The following ENTHD1 variants were observed in gnomAD, a reference collection of about 807,000 sequenced individuals.
ENTHD1 encodes the protein ENTH domain-containing protein 1.
ENTHD1 carries 23 observed loss-of-function variants against 39.1 expected under a neutral mutation model. The ratio of observed to expected loss-of-function variants is 0.59; its 90% CI spans 0.42 to 0.83. The LOEUF is 0.83. Among genes scored for constraint, ENTHD1 ranks in the 40% least tolerant of loss-of-function variants. The pLI is 0.00. For missense variants in ENTHD1, 624 were observed against 705.4 expected (o/e 0.88, Z 1.31); for synonymous variants, 230 against 258.2 (o/e 0.89, Z 1.05).
chr22:39,879,378 G>T lies in ENTHD1; in HGVS notation c.349+8022C>A, dbSNP rs539110711. On this transcript the variant is annotated intron_variant, in intron 2 of 6. Transcript: ENST00000325157. ...CTTGGGAGGCTGAGGCAGGAGAATGGTGGGAACCCAGGAGGCAGAGCTTGC... is the reference window on the plus strand; with the variant it reads ...CTTGGGAGGCTGAGGCAGGAGAATGTTGGGAACCCAGGAGGCAGAGCTTGC... Among the ~76,000 whole-genome samples the T allele has an allele frequency of 3.5e-3, 521 of 149,306 alleles. 3 individuals are homozygous for T. Among genetic ancestry groups the T allele is most frequent in the African/African-American group, 0.012 (501 of 40,540 alleles).
intron 5 of ENTHD1, among the ~76,000 whole-genome samples, chr22:39,797,263 T>A (rs987361640): frequency 6.6e-6 from 1 of 152,264 alleles, no homozygotes; most frequent in African/African-American, 2.4e-5. Context: ...AAAGTGAGTT[T>A]ATCGTAGGCA....
intron 6 of ENTHD1, among the ~76,000 whole-genome samples, chr22:39,747,770 C>T (rs540318779): frequency 1.3e-5 from 2 of 151,946 alleles, no homozygotes; most frequent in Non-Finnish European, 2.9e-5. Flanking sequence ...GTAGAACTTA[C>T]AGAAAACAGA....
chr22:39,849,811 A>G (rs1166358535), intron 3 of ENTHD1, among the ~76,000 whole-genome samples: 3 of 152,142 alleles, frequency 2.0e-5, no homozygotes, highest in African/African-American at 7.2e-5. Flanking sequence ...TCTATATGAA[A>G]ATCCTATCGT....
intron 4 of ENTHD1, among the ~76,000 whole-genome samples, chr22:39,832,217 G>A (rs1021567469): frequency 6.6e-6 from 1 of 152,076 alleles, no homozygotes; most frequent in African/African-American, 2.4e-5. Context: ...AGGCTGAGGT[G>A]GGAAGATCGC....
At chr22:39,843,916 G>A (rs536014640) in intron 3 of ENTHD1, among the ~76,000 whole-genome samples, 1 of 152,272 alleles carries the variant, frequency 6.6e-6, no homozygotes, top group Admixed American at 6.5e-5. Flanking sequence ...CTTGAAGCAA[G>A]GATCTGGGAG....
At chr22:39,840,733 C>T (rs959749067) in intron 3 of ENTHD1, among the ~76,000 whole-genome samples, 16 of 151,472 alleles carry the variant, frequency 1.1e-4, no homozygotes, top group African/African-American at 3.9e-4. Flanking sequence ...ACTCCAATTT[C>T]GTTGTTTTGG....
intron 5 of ENTHD1, among the ~76,000 whole-genome samples, chr22:39,798,225 A>G (rs531078944): frequency 1.3e-5 from 2 of 151,750 alleles, no homozygotes; most frequent in African/African-American, 4.8e-5. Flanking sequence ...GTTCTAGTCT[A>G]TTGTTGAAGC....
intron 5 of ENTHD1, among the ~76,000 whole-genome samples, chr22:39,773,851 T>G (rs375397914): frequency 1.3e-5 from 2 of 152,112 alleles, no homozygotes; most frequent in African/African-American, 2.4e-5. Context: ...GTGTAAGAGA[T>G]TCAAACAAAT....
intron 4 of ENTHD1, among the ~76,000 whole-genome samples, chr22:39,825,895 A>G (rs922315696): frequency 1.3e-5 from 2 of 152,126 alleles, no homozygotes; most frequent in Non-Finnish European, 1.5e-5. Context: ...TTTTTGAGAC[A>G]GAGTCTCACT....
chr22:39,814,492 A>G (rs1197549059), intron 5 of ENTHD1, among the ~76,000 whole-genome samples: 1 of 152,148 alleles, frequency 6.6e-6, no homozygotes, highest in Non-Finnish European at 1.5e-5. Flanking sequence ...AACATTCCTG[A>G]TGAAAGAAAA....
chr22:39,798,063 A>G (rs1430791027), intron 5 of ENTHD1, among the ~76,000 whole-genome samples: 1 of 152,118 alleles, frequency 6.6e-6, no homozygotes, highest in Non-Finnish European at 1.5e-5. Flanking sequence ...AACATCCCAG[A>G]TGTGTATATT....
At chr22:39,824,674 C>G (rs2065813078) in intron 4 of ENTHD1, among the ~76,000 whole-genome samples, 1 of 152,156 alleles carries the variant, frequency 6.6e-6, no homozygotes, top group African/African-American at 2.4e-5. Flanking sequence ...AAAGGCTAAT[C>G]CTCCTACATT....
intron 3 of ENTHD1, among the ~76,000 whole-genome samples, chr22:39,846,053 C>T (rs2065985520): frequency 6.6e-6 from 1 of 151,972 alleles, no homozygotes; most frequent in Admixed American, 6.6e-5. Flanking sequence ...ACAAAGGTAC[C>T]AAGAATACAC....
At chr22:39,872,604 G>C (rs1434733134) in intron 2 of ENTHD1, among the ~76,000 whole-genome samples, 2 of 152,062 alleles carry the variant, frequency 1.3e-5, no homozygotes, top group African/African-American at 4.8e-5. Context: ...TAGCTTAAAG[G>C]CTTAGTTCTT....
chr22:39,808,184 G>A (rs532000199), intron 5 of ENTHD1, among the ~76,000 whole-genome samples: 9 of 151,330 alleles, frequency 5.9e-5, no homozygotes, highest in African/African-American at 2.2e-4. Context: ...GTTGGCTACT[G>A]CTACTATCAT....
At chr22:39,780,277 C>T (rs1751555280) in intron 5 of ENTHD1, among the ~76,000 whole-genome samples, 1 of 151,318 alleles carries the variant, frequency 6.6e-6, no homozygotes, top group Non-Finnish European at 1.5e-5. Context: ...CCCAGGAGGC[C>T]GAGCCAGGAG....
intron 5 of ENTHD1, among the ~76,000 whole-genome samples, chr22:39,815,456 AC>A (rs1261797181): frequency 6.6e-6 from 1 of 152,096 alleles, no homozygotes; most frequent in Non-Finnish European, 1.5e-5. Flanking sequence ...AAAAAAAAAA[AC>A]AAAGGTAAAC....
chr22:39,842,306 C>A (rs993264353), intron 3 of ENTHD1, among the ~76,000 whole-genome samples: 1 of 152,096 alleles, frequency 6.6e-6, no homozygotes, highest in Admixed American at 6.5e-5. Flanking sequence ...TGGGGAAGTT[C>A]TCCTGGATAA....
At chr22:39,807,458 G>A (rs1195835521) in intron 5 of ENTHD1, among the ~76,000 whole-genome samples, 2 of 151,988 alleles carry the variant, frequency 1.3e-5, no homozygotes, top group South Asian at 2.1e-4. Flanking sequence ...CCCAAAGGCC[G>A]GGAAGCAATA....
Sources: allele counts gnomAD v4.1 joint callset (sites outside exome capture counted in the v4.1 genomes callset), GRCh38; gene constraint gnomAD v4.1.1; transcripts MANE v1.5; gene names NCBI Gene and HGNC (gene_info 2026-07-23, HGNC 2026-07-21).